The following ROR1 variants were observed in gnomAD, a reference collection of about 807,000 sequenced individuals.
The protein encoded by ROR1 is ROR family WNT receptor 1.
ROR1 carries 19 observed loss-of-function variants against 78.8 expected under a neutral mutation model. The ratio of observed to expected loss-of-function variants is 0.24; its 90% CI spans 0.17 to 0.35. The LOEUF is 0.35. ROR1 is among the 10% of genes least tolerant of loss of function. ROR1 has a pLI of 1.00. For synonymous variants in ROR1, 386 were observed against 433.6 expected, an observed-to-expected ratio of 0.89 and a Z score of 1.36; for missense variants, 917 against 1,177.8, an observed-to-expected ratio of 0.78 and a Z score of 3.24.
At position 63,928,334 on chromosome 1, in the gene ROR1, A is replaced by G. The variant is rs575656635; in HGVS notation, c.92-80971A>G. Among the ~76,000 whole-genome samples the G allele has an allele frequency of 1.4e-3, 206 of 152,320 alleles. 5 individuals are homozygous for G. The South Asian group carries it at 0.041, about 30-fold the overall frequency. ...GTGGTTTGTCTGCTTAGAGCCATCC[A>G]GAAAAGTTGGTGGGAAAAGCCAAGA... On this transcript the variant is annotated intron_variant, in intron 1 of 8. Transcript: ENST00000371079.
chr1:63,808,464 T>C (rs1252295405), intron 1 of ROR1, among the ~76,000 whole-genome samples: 1 of 152,222 alleles, frequency 6.6e-6, no homozygotes, highest in Non-Finnish European at 1.5e-5. Context: ...TGTTTAAACT[T>C]TTCTACCTTT....
intron 4 of ROR1, chr1:64,094,780 G>A (rs1279657356): frequency 2.0e-5 from 3 of 152,282 alleles, no homozygotes; most frequent in African/African-American, 4.8e-5. Flanking sequence ...AGTAGAGACG[G>A]CGTTTCACCA....
At chr1:63,883,386 T>TTGC (rs36013820) in intron 1 of ROR1, among the ~76,000 whole-genome samples, 1 of 930 alleles carries the variant, frequency 1.1e-3, no homozygotes, top group East Asian at 0.5. Context: ...TGGACTTTAC[T>TTGC]TGTAATCTTA....
rs145834507 is a variant in ROR1, at chr1:63,827,477, G to A, written c.91+52969G>A. 4.8e-3 allele frequency among the ~76,000 whole-genome samples: 723 copies of A among 152,194 alleles called. 4 individuals are homozygous for A. The highest frequency in any genetic ancestry group is 7.4e-3 in the Non-Finnish European group (500 of 68,012). On this transcript the variant is annotated intron_variant, in intron 1 of 8. Coordinates refer to ENST00000371079, the MANE Select transcript of ROR1 (RefSeq NM_005012.4). The stretch of plus-strand genomic sequence containing the variant: ...TGAGGTAATCAATACAAAGAAGAAG[G>A]TAAGAAATTGGAGGGGACTCAGGGG...
chr1:63,786,333 C>T (rs1242800942), intron 1 of ROR1, among the ~76,000 whole-genome samples: 1 of 128,978 alleles, frequency 7.8e-6, no homozygotes, highest in African/African-American at 2.9e-5. Flanking sequence ...AGTGCAGTGG[C>T]ACAATCTCTG....
chr1:63,863,213 G>A (rs759490391), intron 1 of ROR1, among the ~76,000 whole-genome samples: 1 of 152,194 alleles, frequency 6.6e-6, no homozygotes, highest in Non-Finnish European at 1.5e-5. Context: ...CTTAGTAGAA[G>A]CAAAGAACAC....
intron 1 of ROR1, among the ~76,000 whole-genome samples, chr1:63,865,593 C>T (rs897124336): frequency 3.3e-5 from 5 of 151,978 alleles, no homozygotes; most frequent in Admixed American, 6.6e-5. Context: ...TTACATGTTG[C>T]TCAAAGGGTT....
intron 4 of ROR1, chr1:64,113,704 A>G (rs888797374): frequency 5.9e-5 from 9 of 152,070 alleles, no homozygotes; most frequent in African/African-American, 2.2e-4. Context: ...ATGTGGCTTC[A>G]AAGACCCTCA....
intron 4 of ROR1, among the ~76,000 whole-genome samples, chr1:64,112,727 C>A (rs1188504434): frequency 6.6e-6 from 1 of 152,150 alleles, no homozygotes; most frequent in East Asian, 1.9e-4. Flanking sequence ...TCTGTCCCTG[C>A]CCTTCCTCCT....
At chr1:63,979,006 T>C (rs890910613) in intron 1 of ROR1, among the ~76,000 whole-genome samples, 7 of 152,210 alleles carry the variant, frequency 4.6e-5, no homozygotes, top group Admixed American at 6.5e-5. Context: ...TAATTCCCTC[T>C]TGCGCTGGGG....
chr1:63,984,889 C>T (rs940555809), intron 1 of ROR1, among the ~76,000 whole-genome samples: 1 of 152,158 alleles, frequency 6.6e-6, no homozygotes, highest in African/African-American at 2.4e-5. Flanking sequence ...TCCAACTAAT[C>T]GAAGCATTTC....
intron 4 of ROR1, among the ~76,000 whole-genome samples, chr1:64,086,906 GC>G (rs1261841664): frequency 1.3e-5 from 2 of 152,142 alleles, no homozygotes; most frequent in Non-Finnish European, 2.9e-5. Context: ...GGAAATTGTG[GC>G]TTATGAGGGC....
intron 4 of ROR1, among the ~76,000 whole-genome samples, chr1:64,068,290 T>C (rs1646974773): frequency 6.6e-6 from 1 of 152,214 alleles, no homozygotes; most frequent in Non-Finnish European, 1.5e-5. Flanking sequence ...ATATTAAGTT[T>C]GTTCATATGC....
intron 4 of ROR1, among the ~76,000 whole-genome samples, chr1:64,100,920 C>T (rs569341575): frequency 3.3e-5 from 5 of 152,252 alleles, no homozygotes; most frequent in South Asian, 4.1e-4. Context: ...TCTCAGGAGA[C>T]GGGTCTTTTC....
chr1:64,100,576 A>G (rs896091936), intron 4 of ROR1, among the ~76,000 whole-genome samples: 2 of 152,204 alleles, frequency 1.3e-5, no homozygotes, highest in African/African-American at 4.8e-5. Flanking sequence ...ATATCTATTT[A>G]CTTTATATCA....
chr1:63,857,441 A>T (rs1645155955), intron 1 of ROR1, among the ~76,000 whole-genome samples: 1 of 152,186 alleles, frequency 6.6e-6, no homozygotes, highest in African/African-American at 2.4e-5. Context: ...GGACCCTCAG[A>T]TGTGGTATAT....
chr1:64,169,879 G>T (rs761406205), intron 8 of ROR1, among the ~76,000 whole-genome samples: 5 of 152,244 alleles, frequency 3.3e-5, no homozygotes, highest in Non-Finnish European at 7.3e-5. Context: ...CAGCAGGGCA[G>T]TCAAATCTTA....
At chr1:63,795,516 C>T (rs1325993653) in intron 1 of ROR1, among the ~76,000 whole-genome samples, 2 of 152,122 alleles carry the variant, frequency 1.3e-5, no homozygotes, top group African/African-American at 2.4e-5. Context: ...ATATTGTGGA[C>T]CTGCCGTGTG....
At chr1:64,061,988 T>G (rs767934066) in intron 4 of ROR1, among the ~76,000 whole-genome samples, 28 of 152,216 alleles carry the variant, frequency 1.8e-4, no homozygotes, top group Non-Finnish European at 4.0e-4. Context: ...AGATCTTATC[T>G]AGTTACTTTC....
Sources: gnomAD v4.1 joint callset for allele counts (sites outside exome capture counted in the v4.1 genomes callset) on GRCh38, gnomAD v4.1.1 for gene constraint, MANE v1.5 for transcripts, NCBI Gene and HGNC (gene_info 2026-07-23, HGNC 2026-07-21) for gene names.